The following ESR1 variants were observed in gnomAD, a reference collection of about 807,000 sequenced individuals.
The protein encoded by ESR1 is estrogen receptor.
Under a neutral mutation model 52.7 loss-of-function variants are expected in ESR1, and 12 were observed. The ratio of observed to expected loss-of-function variants is 0.23; its 90% CI spans 0.15 to 0.37. ESR1 has a LOEUF of 0.37. Ranked by LOEUF, ESR1 falls within the 10% of genes least tolerant of loss-of-function variation. The probability of loss-of-function intolerance (pLI) is 1.00; values close to 1 mark genes in which losing one functional copy is unlikely to be tolerated. For synonymous variants in ESR1, 305 were observed against 316.8 expected, an observed-to-expected ratio of 0.96 and a Z score of 0.39; for missense variants, 584 against 779.7, an observed-to-expected ratio of 0.75 and a Z score of 2.99.
In ESR1 at chr6:151,942,635, T is replaced by C. The variant is rs1357511184; in HGVS notation, c.761-1538T>C. Among the ~76,000 whole-genome samples the C allele has an allele frequency of 2.6e-5, 4 of 151,104 alleles. No homozygotes were observed. In the East Asian group the frequency reaches 7.7e-4, roughly 29 times the overall value. ...TGTTTTTGAAGTGTCATTTAATATA[T>C]TATATATATAAAACATATATATATT... On this transcript the variant is annotated intron_variant, in intron 3 of 7. Coordinates refer to ENST00000206249, the MANE Select transcript of ESR1 (RefSeq NM_000125.4).
At chr6:151,669,453 G>A (rs1777972922) in intron 1 of ESR1, among the ~76,000 whole-genome samples, 2 of 152,166 alleles carry the variant, frequency 1.3e-5, no homozygotes, top group South Asian at 4.2e-4. Context: ...CAAGAAACCT[G>A]AGGAGGCAAA....
At chr6:151,796,500 G>A (rs1776728500) in intron 2 of ESR1, among the ~76,000 whole-genome samples, 2 of 152,100 alleles carry the variant, frequency 1.3e-5, no homozygotes, top group South Asian at 4.1e-4. Context: ...AGCACCAACT[G>A]CATTATATAT....
At chr6:151,737,709 T>A (rs3020300) in intron 2 of ESR1, among the ~76,000 whole-genome samples, 68,433 of 151,898 alleles carry the variant, frequency 0.45, 16,994 homozygotes, top group Non-Finnish European at 0.55. Flanking sequence ...AGAATAATTA[T>A]GCATATACAA....
At chr6:152,120,312 G>T (rs1248568094) in intron 6 of ESR1, among the ~76,000 whole-genome samples, 1 of 152,198 alleles carries the variant, frequency 6.6e-6, no homozygotes, top group Admixed American at 6.5e-5. Context: ...GAGGCCTGAA[G>T]AGTGCTCCAT....
At chr6:151,906,020 G>A (rs1797391077) in intron 3 of ESR1, among the ~76,000 whole-genome samples, 2 of 152,240 alleles carry the variant, frequency 1.3e-5, no homozygotes, top group Non-Finnish European at 2.9e-5. Flanking sequence ...CAAGGTCTGA[G>A]TTTTCACTCA....
chr6:152,078,997 G>T (rs2048974895), intron 6 of ESR1, among the ~76,000 whole-genome samples: 1 of 152,212 alleles, frequency 6.6e-6, no homozygotes, highest in African/African-American at 2.4e-5. Flanking sequence ...ACTGGGCAGA[G>T]CCCACCTCAG....
At chr6:151,826,292 A>G (rs1383953573) in intron 1 of ESR1, among the ~76,000 whole-genome samples, 1 of 152,218 alleles carries the variant, frequency 6.6e-6, no homozygotes, top group Non-Finnish European at 1.5e-5. Context: ...ATCTTATAGG[A>G]ACATAAGAGC....
intron 4 of ESR1, among the ~76,000 whole-genome samples, chr6:151,988,864 A>G (rs1464367918): frequency 2.0e-5 from 3 of 152,116 alleles, no homozygotes; most frequent in Non-Finnish European, 2.9e-5. Flanking sequence ...TTTTCCAAAC[A>G]TTAAAGTCGG....
At chr6:151,883,387 TA>T (rs1415163454) in intron 3 of ESR1, among the ~76,000 whole-genome samples, 1 of 151,738 alleles carries the variant, frequency 6.6e-6, no homozygotes, top group Non-Finnish European at 1.5e-5. Flanking sequence ...CTCGGCTTCC[TA>T]AAGTGCTGGG....
chr6:151,782,308 C>A (rs564751976), intron 2 of ESR1, among the ~76,000 whole-genome samples: 2 of 152,156 alleles, frequency 1.3e-5, no homozygotes, highest in African/African-American at 4.8e-5. Flanking sequence ...TATAAAGAAA[C>A]AAGAATGTGT....
intron 6 of ESR1, among the ~76,000 whole-genome samples, chr6:152,063,029 G>A (rs990774818): frequency 6.6e-6 from 1 of 151,990 alleles, no homozygotes; most frequent in Non-Finnish European, 1.5e-5. Flanking sequence ...CAACCCAGGG[G>A]GAAAAAACTT....
chr6:151,963,378 T>C (rs1464098076), intron 4 of ESR1, among the ~76,000 whole-genome samples: 1 of 152,246 alleles, frequency 6.6e-6, no homozygotes, highest in Non-Finnish European at 1.5e-5. Flanking sequence ...GCATTCAGAA[T>C]GCAGACTTAG....
At chr6:151,914,802 C>T (rs985274475) in intron 3 of ESR1, among the ~76,000 whole-genome samples, 1 of 152,136 alleles carries the variant, frequency 6.6e-6, no homozygotes, top group Non-Finnish European at 1.5e-5. Flanking sequence ...CGTAAGCACT[C>T]CATAAGGTAA....
intron 3 of ESR1, among the ~76,000 whole-genome samples, chr6:151,905,153 A>G (rs752993955): frequency 2.0e-5 from 3 of 152,234 alleles, no homozygotes; most frequent in East Asian, 1.9e-4. Context: ...ATTAAAGAGT[A>G]GAGAACTCAA....
chr6:151,858,312 C>CCCTTTA lies in ESR1; in HGVS notation c.643+15526_643+15527insCTTTAC, dbSNP rs1788248054. On this transcript the variant is annotated intron_variant, in intron 2 of 7. Transcript: ENST00000206249. ...TAGGTCTTTACAGCTGCTGGCCTGA[C>CCCTTTA]CAGCAAGGGTAAAATATTTCAGTCA... Among the ~76,000 whole-genome samples the CCCTTTA allele has an allele frequency of 2.0e-5, 3 of 152,288 alleles. No individual in the cohort carries two copies. In the South Asian group the frequency reaches 6.2e-4, roughly 32 times the overall value.
At chr6:151,924,939 A>G (rs562500041) in intron 3 of ESR1, among the ~76,000 whole-genome samples, 19 of 151,934 alleles carry the variant, frequency 1.3e-4, no homozygotes, top group Non-Finnish European at 2.2e-4. Context: ...ATGTGTCTTT[A>G]TGGTAGAACA....
Position 152,100,291 on chromosome 6 carries a change from G to C in ESR1, c.*1325G>C, listed in dbSNP as rs1562789454. 1 of 391,026 alleles carries C rather than the reference G, an allele frequency of 2.6e-6. No individual in the cohort carries two copies. The highest frequency in any genetic ancestry group is 4.5e-6 in the Non-Finnish European group (1 of 221,910). 24.2% of individuals were successfully genotyped at this position (391,026 alleles called of 1,614,324 possible). On this transcript the variant is annotated 3_prime_UTR_variant, in exon 8 of 8. Coordinates refer to ENST00000206249, the MANE Select transcript of ESR1 (RefSeq NM_000125.4). The stretch of plus-strand genomic sequence containing the variant: ...GCACCCTGGGGCACGGGAGAAGGGT[G>C]GGGACCGTTGCTGTCACTACTCAGG...
At chr6:151,920,972 C>A (rs949451648) in intron 3 of ESR1, among the ~76,000 whole-genome samples, 1 of 151,950 alleles carries the variant, frequency 6.6e-6, no homozygotes, top group African/African-American at 2.4e-5. Flanking sequence ...GCAGCATGTG[C>A]ATGTTTGTTA....
At chr6:151,987,551 G>A (rs1343961984) in intron 4 of ESR1, among the ~76,000 whole-genome samples, 3 of 151,966 alleles carry the variant, frequency 2.0e-5, no homozygotes, top group South Asian at 2.1e-4. Flanking sequence ...GATAGGTTAC[G>A]ACAGTTGCTC....
Sources: allele counts gnomAD v4.1 joint callset (sites outside exome capture counted in the v4.1 genomes callset), GRCh38; gene constraint gnomAD v4.1.1; transcripts MANE v1.5; gene names NCBI Gene and HGNC (gene_info 2026-07-23, HGNC 2026-07-21).